The following SLC44A5 variants were observed in gnomAD, a reference collection of about 807,000 sequenced individuals.
SLC44A5 encodes choline transporter-like protein 5.
In SLC44A5, 57 loss-of-function variants were observed where a neutral mutation model predicts 101.8. The observed-to-expected ratio is 0.56, with a 90% CI of 0.45 to 0.70. SLC44A5 has a LOEUF of 0.70. Among genes scored for constraint, SLC44A5 ranks in the 30% least tolerant of loss-of-function variants. The probability of loss-of-function intolerance (pLI) is 0.00; values close to 1 mark genes in which losing one functional copy is unlikely to be tolerated. For missense variants in SLC44A5, 737 were observed against 853.1 expected (o/e 0.86, Z 1.70); for synonymous variants, 281 against 290.9 (o/e 0.97, Z 0.35).
chr1:75,627,565 C>T, the SLC44A5 span, among the ~76,000 whole-genome samples: 2 of 151,878 alleles, frequency 1.3e-5, no homozygotes, highest in Non-Finnish European at 2.9e-5. Flanking sequence ...CACCTGTAGT[C>T]CCAGCTACTT....
intron 2 of SLC44A5, among the ~76,000 whole-genome samples, chr1:75,506,429 T>C (rs796456189): frequency 2.0e-5 from 3 of 152,298 alleles, no homozygotes; most frequent in Non-Finnish European, 2.9e-5. Context: ...ATCTATAGAT[T>C]GCTTTGGGTA....
intron 12 of SLC44A5, among the ~76,000 whole-genome samples, chr1:75,229,667 T>C (rs184826627): frequency 7.9e-5 from 12 of 152,324 alleles, no homozygotes. Flanking sequence ...TACCTTTTCT[T>C]TTTTCCATAG....
At chr1:75,273,537 T>C (rs1022696130) in intron 6 of SLC44A5, among the ~76,000 whole-genome samples, 2 of 152,140 alleles carry the variant, frequency 1.3e-5, no homozygotes, top group African/African-American at 4.8e-5. Context: ...TTTTATTACT[T>C]TGAGGTAAGT....
chr1:75,676,536 C>A, the SLC44A5 span, among the ~76,000 whole-genome samples: 28 of 151,948 alleles, frequency 1.8e-4, no homozygotes, highest in African/African-American at 6.5e-4. Flanking sequence ...CACACTGGGG[C>A]TTGTTGGGAA....
chr1:75,365,857 T>C (rs534796658), intron 3 of SLC44A5, among the ~76,000 whole-genome samples: 3 of 152,332 alleles, frequency 2.0e-5, no homozygotes, highest in East Asian at 3.9e-4. Context: ...CTTATAGTTA[T>C]AACAGTCTAT....
rs556572047 is a variant in SLC44A5 at position 75,206,335 on chromosome 1, C to T, written c.2048-2502G>A. 445 of 309,920 alleles carry T rather than the reference C, an allele frequency of 1.4e-3. 3 individuals are homozygous for T. Among genetic ancestry groups the T allele is most frequent in the Non-Finnish European group, 2.1e-3 (362 of 169,902 alleles). The allele number at this position is 309,920 out of a possible 1,614,324, so 19.2% of individuals were successfully genotyped here. ...TTAAAGTGCTGCAATGGAAACAGCA[C>T]GCTGAGTTATAAAAGTTATTAAAAC... On this transcript the variant is annotated intron_variant, in intron 23 of 23. Coordinates refer to ENST00000370859, the MANE Select transcript of SLC44A5 (RefSeq NM_001130058.2).
At chr1:75,266,043 C>T (rs992922606) in intron 6 of SLC44A5, among the ~76,000 whole-genome samples, 1 of 152,132 alleles carries the variant, frequency 6.6e-6, no homozygotes, top group Non-Finnish European at 1.5e-5. Flanking sequence ...TGTTTCATCT[C>T]TTTGGACACC....
chr1:75,600,492 T>C (rs975749539), intron 1 of SLC44A5, among the ~76,000 whole-genome samples: 2 of 152,288 alleles, frequency 1.3e-5, no homozygotes, highest in East Asian at 3.9e-4. Flanking sequence ...CCTCTGTGAA[T>C]TGTCTCATCC....
intron 3 of SLC44A5, among the ~76,000 whole-genome samples, chr1:75,351,573 A>G (rs140599245): frequency 0.01 from 1,578 of 152,264 alleles, 26 homozygotes; most frequent in Middle Eastern, 0.024. Flanking sequence ...TATTGGAAGC[A>G]TCAGGCTTTC....
the SLC44A5 span, among the ~76,000 whole-genome samples, chr1:75,701,492 T>G: frequency 1.3e-5 from 2 of 152,128 alleles, no homozygotes; most frequent in South Asian, 4.1e-4. Flanking sequence ...AATGAGGTAT[T>G]GATGGGATGT....
At chr1:75,328,569 C>G (rs111485840) in intron 4 of SLC44A5, among the ~76,000 whole-genome samples, 1 of 152,198 alleles carries the variant, frequency 6.6e-6, no homozygotes, top group Non-Finnish European at 1.5e-5. Context: ...CATTAGGCAG[C>G]TGTGTTCTAT....
intron 3 of SLC44A5, among the ~76,000 whole-genome samples, chr1:75,361,302 C>T (rs1197276874): frequency 6.6e-6 from 1 of 152,086 alleles, no homozygotes; most frequent in African/African-American, 2.4e-5. Flanking sequence ...CCTTTTATTT[C>T]TTTCTGTTGC....
intron 3 of SLC44A5, among the ~76,000 whole-genome samples, chr1:75,355,484 C>T (rs759069959): frequency 3.8e-4 from 58 of 152,038 alleles, no homozygotes; most frequent in African/African-American, 1.1e-3. Context: ...AAATTATTTA[C>T]GATATTTCCA....
chr1:75,213,893 T>C (rs1359621606), intron 21 of SLC44A5, 26 bp downstream of exon 21: 1 of 1,548,940 alleles, frequency 6.5e-7, no homozygotes, highest in Admixed American at 1.9e-5. Flanking sequence ...ACTTTTTTTT[T>C]TATTATTTTC....
intron 2 of SLC44A5, among the ~76,000 whole-genome samples, chr1:75,482,803 A>T (rs1667947256): frequency 6.6e-6 from 1 of 152,186 alleles, no homozygotes; most frequent in Non-Finnish European, 1.5e-5. Context: ...AAAAGTAAAG[A>T]TAAGTTTCAA....
chr1:75,225,166 C>A (rs1647171250), intron 13 of SLC44A5, among the ~76,000 whole-genome samples: 2 of 152,114 alleles, frequency 1.3e-5, no homozygotes, highest in African/African-American at 4.8e-5. Flanking sequence ...TATGCCATAT[C>A]TTTACTGTAT....
chr1:75,678,518 G>A, the SLC44A5 span, among the ~76,000 whole-genome samples: 1 of 150,506 alleles, frequency 6.6e-6, no homozygotes, highest in Non-Finnish European at 1.5e-5. Context: ...ACCTCACACT[G>A]CAGGGTACTC....
intron 9 of SLC44A5, among the ~76,000 whole-genome samples, chr1:75,240,611 T>C (rs1435659943): frequency 6.6e-6 from 1 of 152,108 alleles, no homozygotes; most frequent in African/African-American, 2.4e-5. Context: ...GAGAGCTTCC[T>C]GGTAAGTGCT....
intron 4 of SLC44A5, among the ~76,000 whole-genome samples, chr1:75,317,004 C>T (rs1044269344): frequency 6.6e-6 from 1 of 152,156 alleles, no homozygotes; most frequent in African/African-American, 2.4e-5. Flanking sequence ...TTTTTGATAA[C>T]ATTTGAACCA....
Sources: gnomAD v4.1 joint callset for allele counts (sites outside exome capture counted in the v4.1 genomes callset) on GRCh38, gnomAD v4.1.1 for gene constraint, MANE v1.5 for transcripts, NCBI Gene and HGNC (gene_info 2026-07-23, HGNC 2026-07-21) for gene names.